EPHA6: variants seen among roughly 807,000 people sequenced by gnomAD.
EPHA6 encodes ephrin type-A receptor 6.
In EPHA6, 50 loss-of-function variants were observed where a neutral mutation model predicts 112.0. The observed-to-expected ratio is 0.45, with a 90% CI of 0.36 to 0.56. EPHA6 has a LOEUF of 0.56. Among genes scored for constraint, EPHA6 ranks in the 20% least tolerant of loss-of-function variants. EPHA6 has a pLI of 0.00. For synonymous variants in EPHA6, 529 were observed against 490.7 expected (o/e 1.08, Z -1.03); for missense variants, 1,280 against 1,417.4 (o/e 0.90, Z 1.56).
intron 2 of EPHA6, among the ~76,000 whole-genome samples, chr3:96,916,414 G>A (rs1001864065): frequency 2.0e-5 from 3 of 152,088 alleles, no homozygotes; most frequent in Non-Finnish European, 4.4e-5. Context: ...ACTATTGTTA[G>A]CATTAGCTGG....
chr3:97,167,774 A>G (rs2076578181), intron 3 of EPHA6, among the ~76,000 whole-genome samples: 1 of 152,038 alleles, frequency 6.6e-6, no homozygotes, highest in Non-Finnish European at 1.5e-5. Context: ...TAAAATAAAC[A>G]GTATTCTTTA....
intron 1 of EPHA6, among the ~76,000 whole-genome samples, chr3:96,834,048 A>C (rs1428371782): frequency 6.6e-6 from 1 of 152,088 alleles, no homozygotes; most frequent in Non-Finnish European, 1.5e-5. Context: ...CATTTGTATA[A>C]ATTAATCTGA....
At chr3:97,304,403 T>A (rs2081226001) in intron 5 of EPHA6, among the ~76,000 whole-genome samples, 1 of 151,960 alleles carries the variant, frequency 6.6e-6, no homozygotes, top group African/African-American at 2.4e-5. Flanking sequence ...TACTTTAAAA[T>A]TCATATGGAA....
chr3:97,107,087 A>T (rs1559732451), intron 3 of EPHA6, among the ~76,000 whole-genome samples: 1 of 152,152 alleles, frequency 6.6e-6, no homozygotes, highest in Non-Finnish European at 1.5e-5. Flanking sequence ...GTTGAATAAA[A>T]GCATTAGTCT....
intron 5 of EPHA6, among the ~76,000 whole-genome samples, chr3:97,388,806 T>C (rs778149403): frequency 2.0e-5 from 3 of 152,124 alleles, no homozygotes; most frequent in African/African-American, 4.8e-5. Context: ...CAATGGCATA[T>C]ATTAAGTGTA....
At chr3:97,207,272 G>C (rs1373928601) in intron 3 of EPHA6, among the ~76,000 whole-genome samples, 2 of 152,100 alleles carry the variant, frequency 1.3e-5, no homozygotes, top group African/African-American at 4.8e-5. Context: ...TATTTATTTT[G>C]TTAGTCATTT....
At chr3:97,347,029 C>T (rs2083566017) in intron 5 of EPHA6, among the ~76,000 whole-genome samples, 2 of 151,904 alleles carry the variant, frequency 1.3e-5, no homozygotes, top group African/African-American at 4.8e-5. Flanking sequence ...TGATGTTCAC[C>T]AACATTTTTA....
At chr3:96,994,761 A>AGAGAGAGAGAGAGAGAGAGC (rs2043353407) in intron 3 of EPHA6, among the ~76,000 whole-genome samples, 3 of 137,110 alleles carry the variant, frequency 2.2e-5, no homozygotes, top group African/African-American at 8.4e-5. Context: ...AGAGAGAGAG[A>AGAGAGAGAGAGAGAGAGAGC]GCTATATATA....
At chr3:96,880,292 TAA>T (rs149916045) in intron 2 of EPHA6, among the ~76,000 whole-genome samples, 1,580 of 152,116 alleles carry the variant, frequency 0.01, 26 homozygotes, top group African/African-American at 0.036. Flanking sequence ...TAAAACAAAA[TAA>T]AGTTAATTAA....
intron 2 of EPHA6, among the ~76,000 whole-genome samples, chr3:96,966,530 T>C (rs1284514945): frequency 6.6e-6 from 1 of 152,146 alleles, no homozygotes; most frequent in Admixed American, 6.6e-5. Context: ...ACGTATCTGC[T>C]CCCAAATTAG....
At chr3:97,268,337 A>G (rs184030098) in intron 5 of EPHA6, among the ~76,000 whole-genome samples, 5 of 152,318 alleles carry the variant, frequency 3.3e-5, no homozygotes, top group Admixed American at 1.3e-4. Flanking sequence ...TTTAATCACT[A>G]TAGGATAAAA....
Position 96,815,130 on chromosome 3 carries a change from C to T in EPHA6, c.385+122C>T, listed in dbSNP as rs535746701. ...GGTCAGAGTCTCCTGGCTCGCCACA[C>T]GAGGGGATCGAGGATGTCCCCTTAC... On this transcript the variant is annotated intron_variant, in intron 1 of 17. Transcript: ENST00000389672. 1.2e-5 allele frequency: 11 copies of T among 942,420 alleles called. No individual in the cohort carries two copies. The African/African-American group carries it at 1.5e-4, about 13-fold the overall frequency. 58.4% of individuals were successfully genotyped at this position (942,420 alleles called of 1,614,324 possible).
At chr3:96,844,587 G>A (rs770495195) in intron 1 of EPHA6, among the ~76,000 whole-genome samples, 5 of 152,028 alleles carry the variant, frequency 3.3e-5, no homozygotes, top group Non-Finnish European at 7.4e-5. Context: ...TGATGAGGTA[G>A]TATAGACGTG....
At position 96,841,578 on chromosome 3, in the gene EPHA6, T is replaced by A. The variant is rs541279502; in HGVS notation, c.386-25247T>A. ...TGTGACCCTCTCTAAAGGCTCACTT[T>A]CCCACTCCCATGATGACCAGCAGCA... On this transcript the variant is annotated intron_variant, in intron 1 of 17. Coordinates refer to ENST00000389672, the MANE Select transcript of EPHA6 (RefSeq NM_001080448.3). Among the ~76,000 whole-genome samples the A allele has an allele frequency of 6.6e-5, 10 of 152,166 alleles. No homozygotes were observed. The South Asian group carries it at 1.7e-3, about 25-fold the overall frequency.
intron 1 of EPHA6, among the ~76,000 whole-genome samples, chr3:96,841,852 T>C (rs1291817810): frequency 6.6e-6 from 1 of 152,104 alleles, no homozygotes; most frequent in Non-Finnish European, 1.5e-5. Context: ...TGCATTTCTT[T>C]TGAGGAAGGT....
chr3:97,555,271 A>C (rs1363100604), intron 11 of EPHA6, among the ~76,000 whole-genome samples: 2 of 152,114 alleles, frequency 1.3e-5, no homozygotes, highest in African/African-American at 2.4e-5. Context: ...CATCATTTTT[A>C]TGGCTGCATA....
rs559267110 is a variant in EPHA6 at position 97,171,287 on chromosome 3, C to T, written c.1115-54977C>T. ...CAAATGCATAGAAAGGAATTAACTA[C>T]TATCTAATGAATGAAAAGTGTGAGA... On this transcript the variant is annotated intron_variant, in intron 3 of 17. Transcript: ENST00000389672. 6.6e-5 allele frequency among the ~76,000 whole-genome samples: 10 copies of T among 152,184 alleles called. No individual in the cohort carries two copies. The East Asian group carries it at 9.7e-4, about 15-fold the overall frequency.
chr3:96,839,741 A>G (rs988297040), intron 1 of EPHA6, among the ~76,000 whole-genome samples: 1 of 152,128 alleles, frequency 6.6e-6, no homozygotes, highest in African/African-American at 2.4e-5. Flanking sequence ...GAGAAACCTT[A>G]TAAGCTTTCT....
intron 5 of EPHA6, among the ~76,000 whole-genome samples, chr3:97,287,298 G>C (rs1050223741): frequency 6.6e-6 from 1 of 151,992 alleles, no homozygotes; most frequent in African/African-American, 2.4e-5. Flanking sequence ...AGTTCTTAGA[G>C]GAAAGGCTTA....
Sources: gnomAD v4.1 joint callset for allele counts (sites outside exome capture counted in the v4.1 genomes callset) on GRCh38, gnomAD v4.1.1 for gene constraint, MANE v1.5 for transcripts, NCBI Gene and HGNC (gene_info 2026-07-23, HGNC 2026-07-21) for gene names.